ABCE1: variants seen among roughly 807,000 people sequenced by gnomAD.
ABCE1 encodes ATP binding cassette subfamily E member 1.
Under a neutral mutation model 83.4 loss-of-function variants are expected in ABCE1, and 22 were observed. The observed-to-expected ratio is 0.26, with a 90% CI of 0.19 to 0.38. ABCE1 has a LOEUF of 0.38. ABCE1 is among the 10% of genes least tolerant of loss of function. The pLI, the probability that ABCE1 is intolerant of heterozygous loss-of-function variation, is 1.00. For missense variants in ABCE1, 330 were observed against 721.9 expected (o/e 0.46, Z 6.22); for synonymous variants, 204 against 233.7 (o/e 0.87, Z 1.16).
chr4:145,111,458 G>A (rs1749471555), intron 8 of ABCE1, among the ~76,000 whole-genome samples: 6 of 152,090 alleles, frequency 3.9e-5, no homozygotes, highest in Admixed American at 3.9e-4. Context: ...TGAGTAGCTG[G>A]GACTACAGAC....
intron 10 of ABCE1, among the ~76,000 whole-genome samples, chr4:145,119,582 A>G (rs531479907): frequency 2.0e-5 from 3 of 152,040 alleles, no homozygotes; most frequent in African/African-American, 4.8e-5. Flanking sequence ...TTTTATATCA[A>G]TATTACATCA....
At chr4:145,103,610 A>G (rs1463334661) in intron 1 of ABCE1, among the ~76,000 whole-genome samples, 1 of 152,164 alleles carries the variant, frequency 6.6e-6, no homozygotes, top group Non-Finnish European at 1.5e-5. Flanking sequence ...TGTCAGTGTC[A>G]TTATAGTCAG....
At position 145,129,250 on chromosome 4, in the gene ABCE1, TAA is replaced by T. The variant is rs1460061483; in HGVS notation, c.*1679_*1680del. On this transcript the variant is annotated 3_prime_UTR_variant, in exon 18 of 18. Coordinates refer to ENST00000296577, the MANE Select transcript of ABCE1 (RefSeq NM_002940.3). The stretch of plus-strand genomic sequence containing the variant: ...TTACTGCTAATGACAGAATATGTAT[TAA>T]ACGTATTTTCATGTAAATGAAATCT... 4 of 152,202 alleles carry T rather than the reference TAA, an allele frequency of 2.6e-5. No homozygotes were observed. Among genetic ancestry groups the T allele is most frequent in the Admixed American group, 6.5e-5 (1 of 15,286 alleles). The allele number at this position is 152,202 out of a possible 1,614,324, so 9.4% of individuals were successfully genotyped here.
intron 9 of ABCE1, among the ~76,000 whole-genome samples, chr4:145,115,592 T>C (rs1028016963): frequency 6.6e-6 from 1 of 151,930 alleles, no homozygotes; most frequent in Non-Finnish European, 1.5e-5. Context: ...TTCATTCCCT[T>C]ACTCTAGAAT....
chr4:145,121,502 T>C, intron 13 of ABCE1, 111 bp downstream of exon 13: 1 of 759,382 alleles, frequency 1.3e-6, no homozygotes, highest in Admixed American at 2.8e-5. Context: ...TATACAGTTT[T>C]ATTGATAGTT....
intron 1 of ABCE1, among the ~76,000 whole-genome samples, chr4:145,098,702 A>G (rs1748973338): frequency 6.6e-6 from 1 of 151,346 alleles, no homozygotes; most frequent in Non-Finnish European, 1.5e-5. Flanking sequence ...CGTAGTCTCC[A>G]CTCCCCCTTT....
intron 7 of ABCE1, 68 bp downstream of exon 7, chr4:145,110,512 G>A (rs1749439794): frequency 1.3e-6 from 2 of 1,502,426 alleles, no homozygotes; most frequent in East Asian, 2.3e-5. Context: ...TTTCGCTCTT[G>A]TTGCCCAGGC....
chr4:145,112,965 G>A (rs1051079969), intron 9 of ABCE1, among the ~76,000 whole-genome samples: 2 of 152,066 alleles, frequency 1.3e-5, no homozygotes, highest in African/African-American at 4.8e-5. Context: ...GTTTTTTTCT[G>A]TATAGTATTT....
At chr4:145,110,603 G>A (rs1749443694) in intron 7 of ABCE1, among the ~76,000 whole-genome samples, 159 bp downstream of exon 7, 1 of 152,194 alleles carries the variant, frequency 6.6e-6, no homozygotes, top group Middle Eastern at 3.4e-3. Context: ...AGCCTCCCAA[G>A]TAGCTGGGAT....
chr4:145,108,144 C>G (rs769166057), intron 4 of ABCE1, 32 bp downstream of exon 4: 1 of 1,577,292 alleles, frequency 6.3e-7, no homozygotes, highest in South Asian at 1.1e-5. Context: ...CCTCTTCTGT[C>G]AAGTTAAGAG....
At chr4:145,108,764 G>A (rs990162568) in intron 4 of ABCE1, among the ~76,000 whole-genome samples, 2 of 152,162 alleles carry the variant, frequency 1.3e-5, no homozygotes, top group Non-Finnish European at 2.9e-5. Flanking sequence ...GACATTGTGA[G>A]GTTGCACCTG....
In ABCE1 at chr4:145,128,413, C is replaced by T. The variant is rs894424599; in HGVS notation, c.*840C>T. The T allele has an allele frequency of 1.3e-5, 2 of 152,218 alleles. No homozygotes were observed. Among genetic ancestry groups the T allele is most frequent in the Admixed American group, 6.5e-5 (1 of 15,280 alleles). The allele number at this position is 152,218 out of a possible 1,614,324, so 9.4% of individuals were successfully genotyped here. On this transcript the variant is annotated 3_prime_UTR_variant, in exon 18 of 18. Coordinates refer to ENST00000296577, the MANE Select transcript of ABCE1 (RefSeq NM_002940.3). ...GACTCGAAATCTTTAAAGATGGTGC[C>T]TAAGCATCTATGTATTTTTTTTAAG...
chr4:145,105,961 A>T lies in ABCE1; in HGVS notation c.189+271A>T, dbSNP rs567882296. Among the ~76,000 whole-genome samples the T allele has an allele frequency of 7.2e-5, 11 of 152,076 alleles. No homozygotes were observed. In the East Asian group the frequency reaches 1.9e-3, roughly 27 times the overall value. ...TCTCTTTTTTCACCTTTTTATAAGGACATTACCATCACATTACATGTTTCT... is the reference window on the plus strand; with the variant it reads ...TCTCTTTTTTCACCTTTTTATAAGGTCATTACCATCACATTACATGTTTCT... On this transcript the variant is annotated intron_variant, in intron 3 of 17. Coordinates refer to ENST00000296577, the MANE Select transcript of ABCE1 (RefSeq NM_002940.3).
chr4:145,108,718 C>G (rs1749379374), intron 4 of ABCE1, among the ~76,000 whole-genome samples: 1 of 152,194 alleles, frequency 6.6e-6, no homozygotes, highest in South Asian at 2.1e-4. Context: ...TGTGGCACTT[C>G]TCTCCTTGTA....
rs1423731435 is a variant in ABCE1 at position 145,110,418 on chromosome 4, C to T, written c.587C>T (p.Thr196Ile). Residue 196 changes from threonine to isoleucine, a missense_variant, in exon 7 of 18, where the codon ACA becomes ATA. By Grantham distance (89) the Thr-to-Ile change is moderately conservative. Transcript: ENST00000296577. ...SILDRKDETKTQAIVCQQLDL... is the reference protein window; with the variant it reads ...SILDRKDETKIQAIVCQQLDL... ...TTGGACCGAAAAGATGAAACAAAGA[C>T]ACAGGCAATTGTATGTCAGCAGCTT... 1.2e-6 allele frequency: 2 copies of T among 1,611,956 alleles called. No homozygotes were observed. The highest frequency in any genetic ancestry group is 1.7e-6 in the Non-Finnish European group (2 of 1,179,930).
intron 2 of ABCE1, 34 bp downstream of exon 2, chr4:145,104,549 G>C (rs1392696127): frequency 6.6e-6 from 9 of 1,367,400 alleles, no homozygotes; most frequent in Non-Finnish European, 8.9e-6. Flanking sequence ...AAGTATAAAA[G>C]AAAACCATGA....
At chr4:145,121,610 AC>A in intron 13 of ABCE1, 1 of 436,610 alleles carries the variant, frequency 2.3e-6, no homozygotes, top group Non-Finnish European at 4.1e-6. Flanking sequence ...GCAGTAGCTC[AC>A]GCCTGTAATG....
chr4:145,115,210 G>A lies in ABCE1; in HGVS notation c.801-2083G>A, dbSNP rs114869572. ...AATCATGTTTATATTTTGGACTTCT[G>A]TCTCCATAACCTCCATTTGAAGGTT... is the stretch of plus-strand genomic sequence containing the variant. On this transcript the variant is annotated intron_variant, in intron 9 of 17. Coordinates refer to ENST00000296577, the MANE Select transcript of ABCE1 (RefSeq NM_002940.3). Among the ~76,000 whole-genome samples the A allele has an allele frequency of 9.7e-3, 1,473 of 152,014 alleles. 14 individuals carry two copies. Among genetic ancestry groups the A allele is most frequent in the Middle Eastern group, 0.048 (14 of 294 alleles).
chr4:145,111,569 C>G (rs1486529224), intron 8 of ABCE1, among the ~76,000 whole-genome samples: 3 of 152,144 alleles, frequency 2.0e-5, no homozygotes, highest in Non-Finnish European at 4.4e-5. Flanking sequence ...CTCAATGATC[C>G]ACCCACCTCG....
Sources: gnomAD v4.1 joint callset for allele counts (sites outside exome capture counted in the v4.1 genomes callset) on GRCh38, gnomAD v4.1.1 for gene constraint, MANE v1.5 for transcripts, NCBI Gene and HGNC (gene_info 2026-07-23, HGNC 2026-07-21) for gene names.